Variants in CLDN14 observed in about 807,000 individuals in gnomAD.
CLDN14 encodes claudin-14.
In CLDN14, 2 loss-of-function variants were observed where a neutral mutation model predicts 2.1. The observed-to-expected ratio is 0.96, with a 90% CI of 0.39 to 3.01. The LOEUF (loss-of-function observed/expected upper bound fraction) is 3.01, where lower values mean the gene tolerates loss of function less well. CLDN14 is among the 30% of genes most tolerant of loss of function. The pLI is 0.09. For missense variants in CLDN14, 298 were observed against 328.0 expected (o/e 0.91, Z 0.71); for synonymous variants, 136 against 154.4 (o/e 0.88, Z 0.88).
intron 1 of CLDN14, among the ~76,000 whole-genome samples, chr21:36,570,088 A>C (rs2087698910): frequency 6.6e-6 from 1 of 152,214 alleles, no homozygotes; most frequent in Non-Finnish European, 1.5e-5. Flanking sequence ...TTGATCTCAA[A>C]AGGTGGGACA....
At chr21:36,486,157 G>A (rs775414546) in intron 2 of CLDN14, 3 of 1,248,262 alleles carry the variant, frequency 2.4e-6, no homozygotes, top group Admixed American at 3.4e-5. Flanking sequence ...CCTCCTCCTT[G>A]GCTGGCTGGC....
At chr21:36,485,798 A>G in intron 2 of CLDN14, 1 of 360,098 alleles carries the variant, frequency 2.8e-6, no homozygotes, top group South Asian at 4.2e-5. Context: ...ATTTCCCATC[A>G]GATATGAATG....
chr21:36,538,214 A>G (rs1436058694), intron 1 of CLDN14, among the ~76,000 whole-genome samples: 2 of 152,084 alleles, frequency 1.3e-5, no homozygotes, highest in African/African-American at 4.8e-5. Context: ...ATGGTAACTC[A>G]TTTTCTGGAA....
chr21:36,512,531 A>G (rs1314716234), intron 1 of CLDN14, among the ~76,000 whole-genome samples: 1 of 152,236 alleles, frequency 6.6e-6, no homozygotes, highest in Admixed American at 6.5e-5. Flanking sequence ...ACAAGACAAT[A>G]GAATATCCAC....
intron 2 of CLDN14, among the ~76,000 whole-genome samples, chr21:36,491,134 G>C (rs1010157248): frequency 1.1e-4 from 17 of 152,286 alleles, no homozygotes; most frequent in Admixed American, 2.0e-4. Flanking sequence ...TACAAAACAT[G>C]AGTCAACGGT....
rs564313856 is a variant in CLDN14, at chr21:36,551,845, C to T, written c.-220+24566G>A. On this transcript the variant is annotated intron_variant, in intron 1 of 2. Transcript: ENST00000342108. This position sits in a 1 kb window ranked among gnomAD's most constrained non-coding sequence, Gnocchi z 4.8. The stretch of plus-strand genomic sequence containing the variant: ...TTGCAACTGCTCCTGTCCTGTCGGT[C>T]GAGAGGAGAGTGCAGCATGACCCAA... Among the ~76,000 whole-genome samples the T allele has an allele frequency of 7.2e-5, 11 of 152,300 alleles. No homozygotes were observed. The highest frequency in any genetic ancestry group is 2.2e-4 in the African/African-American group (9 of 41,570).
intron 1 of CLDN14, among the ~76,000 whole-genome samples, chr21:36,468,652 A>G (rs776376747): frequency 3.3e-5 from 5 of 152,182 alleles, no homozygotes; most frequent in Non-Finnish European, 5.9e-5. Flanking sequence ...TAGATAAGAC[A>G]TATTAGCAAA....
At chr21:36,575,706 T>C (rs151205755) in intron 1 of CLDN14, among the ~76,000 whole-genome samples, 136 of 152,342 alleles carry the variant, frequency 8.9e-4, no homozygotes, top group African/African-American at 3.1e-3. Context: ...TCTGATTTCA[T>C]AGAAGCTTAT....
At chr21:36,556,010 A>C (rs2087597157) in intron 1 of CLDN14, among the ~76,000 whole-genome samples, 1 of 151,748 alleles carries the variant, frequency 6.6e-6, no homozygotes, top group Non-Finnish European at 1.5e-5. Context: ...CAAAGATATC[A>C]CTCCTGCAAA....
intron 1 of CLDN14, among the ~76,000 whole-genome samples, chr21:36,561,863 T>G (rs1568882188): frequency 6.6e-6 from 1 of 151,842 alleles, no homozygotes; most frequent in Non-Finnish European, 1.5e-5. Context: ...GATACAAACC[T>G]CTATGGTTTG....
intron 1 of CLDN14, among the ~76,000 whole-genome samples, chr21:36,475,160 A>C (rs547556928): frequency 9.2e-5 from 14 of 152,196 alleles, no homozygotes; most frequent in Non-Finnish European, 1.6e-4. Flanking sequence ...AGCACCATCA[A>C]CTGCACTGCG....
At chr21:36,494,488 T>C (rs989010902) in intron 2 of CLDN14, among the ~76,000 whole-genome samples, 4 of 152,160 alleles carry the variant, frequency 2.6e-5, no homozygotes, top group Non-Finnish European at 4.4e-5. Flanking sequence ...AAGATGATTG[T>C]TAGGGGCTGA....
intron 1 of CLDN14, among the ~76,000 whole-genome samples, chr21:36,531,425 G>A (rs951925437): frequency 3.3e-5 from 5 of 151,682 alleles, no homozygotes; most frequent in South Asian, 2.1e-4. Context: ...GCACCACCAC[G>A]CTCAAATTTT....
At chr21:36,547,817 T>C (rs1181015995) in intron 1 of CLDN14, among the ~76,000 whole-genome samples, 1 of 152,276 alleles carries the variant, frequency 6.6e-6, no homozygotes, top group East Asian at 1.9e-4. Flanking sequence ...CCTCTGATCC[T>C]CCAAAGATGG....
At chr21:36,536,144 G>T (rs543766745) in intron 1 of CLDN14, among the ~76,000 whole-genome samples, 17 of 152,204 alleles carry the variant, frequency 1.1e-4, no homozygotes, top group Non-Finnish European at 1.0e-4. Flanking sequence ...TGTCTGTCTG[G>T]GACAGCCCCT....
chr21:36,486,050 A>G (rs747494196), intron 2 of CLDN14: 1 of 1,426,874 alleles, frequency 7.0e-7, no homozygotes. Context: ...CAGGGAGCCC[A>G]CAGCGTTTCA....
At chr21:36,467,199 G>A (rs2086657431) in intron 1 of CLDN14, among the ~76,000 whole-genome samples, 1 of 152,168 alleles carries the variant, frequency 6.6e-6, no homozygotes, top group Non-Finnish European at 1.5e-5. Flanking sequence ...TCTGAGCTAT[G>A]TTTTTCTTTA....
At chr21:36,472,661 GC>G (rs2086724475) in intron 1 of CLDN14, among the ~76,000 whole-genome samples, 1 of 152,174 alleles carries the variant, frequency 6.6e-6, no homozygotes. Context: ...CCACAGACTT[GC>G]TGGATTAAGC....
intron 1 of CLDN14, among the ~76,000 whole-genome samples, chr21:36,571,719 AAGT>A (rs2087711327): frequency 6.6e-6 from 1 of 152,076 alleles, no homozygotes; most frequent in East Asian, 1.9e-4. Flanking sequence ...CGTTACCTCC[AAGT>A]GCCCGGATTG....
Sources: allele counts gnomAD v4.1 joint callset (sites outside exome capture counted in the v4.1 genomes callset), GRCh38; gene constraint gnomAD v4.1.1; non-coding constraint Gnocchi (gnomAD v3.1); transcripts MANE v1.5; gene names NCBI Gene and HGNC (gene_info 2026-07-23, HGNC 2026-07-21).